CYB5B: variants seen among roughly 807,000 people sequenced by gnomAD.
CYB5B encodes cytochrome b5 type B, also known as cytochrome b5 type B (outer mitochondrial membrane).
A neutral mutation model predicts 21.3 loss-of-function variants in CYB5B; 14 were observed. That is an observed-to-expected ratio of 0.66 (90% CI 0.43 to 1.03). CYB5B has a LOEUF of 1.03. CYB5B is among the 50% of genes least tolerant of loss of function. The pLI, the probability that CYB5B is intolerant of heterozygous loss-of-function variation, is 0.00. For synonymous variants in CYB5B, 69 were observed against 68.4 expected, an observed-to-expected ratio of 1.01 and a Z score of -0.04; for missense variants, 166 against 185.1, an observed-to-expected ratio of 0.90 and a Z score of 0.60.
chr16:69,458,209 A>G (rs1027251625), intron 3 of CYB5B, among the ~76,000 whole-genome samples: 2 of 152,154 alleles, frequency 1.3e-5, no homozygotes, highest in Admixed American at 6.6e-5. Flanking sequence ...TTTTTAGTGT[A>G]TTTACAGAAC....
intron 1 of CYB5B, among the ~76,000 whole-genome samples, chr16:69,436,367 G>A (rs796231874): frequency 6.6e-6 from 1 of 152,206 alleles, no homozygotes. Context: ...CGTCTGGGGG[G>A]ATAAGGATGT....
chr16:69,451,088 C>G (rs987211958), intron 3 of CYB5B, among the ~76,000 whole-genome samples: 1 of 152,038 alleles, frequency 6.6e-6, no homozygotes, highest in Non-Finnish European at 1.5e-5. Context: ...GACTTAAAAA[C>G]TTAAAGATGT....
intron 1 of CYB5B, 100 bp downstream of exon 1, chr16:69,424,957 C>A: frequency 1.6e-6 from 2 of 1,237,436 alleles, no homozygotes; most frequent in South Asian, 4.3e-5. Flanking sequence ...TGGCTGGGGG[C>A]GATAAGGCGT....
At chr16:69,434,827 C>G (rs1354599832) in intron 1 of CYB5B, among the ~76,000 whole-genome samples, 1 of 142,866 alleles carries the variant, frequency 7.0e-6, no homozygotes. Context: ...CGCGCCACTG[C>G]ACTCCAACCT....
intron 1 of CYB5B, among the ~76,000 whole-genome samples, chr16:69,440,097 A>T (rs1284861591): frequency 5.5e-5 from 8 of 145,698 alleles, no homozygotes; most frequent in African/African-American, 2.2e-4. Flanking sequence ...CTGGTCTCCA[A>T]CCCCTGGCCT....
intron 1 of CYB5B, among the ~76,000 whole-genome samples, chr16:69,437,443 G>C (rs1312013683): frequency 1.3e-5 from 2 of 152,124 alleles, no homozygotes; most frequent in Non-Finnish European, 2.9e-5. Flanking sequence ...GAATTTTTGA[G>C]TGTCTAGTAG....
intron 3 of CYB5B, among the ~76,000 whole-genome samples, chr16:69,456,810 T>C (rs2014987989): frequency 1.3e-5 from 2 of 151,936 alleles, no homozygotes; most frequent in Admixed American, 1.3e-4. Context: ...TGAAGGGAGG[T>C]TATGTGTTAA....
chr16:69,465,918 G>C lies in CYB5B; in HGVS notation c.*3398G>C, dbSNP rs1359721058. On this transcript the variant is annotated 3_prime_UTR_variant, in exon 5 of 5. Transcript: ENST00000307892. ...AAGAGCCAGGTTTGGAATTTGTGGG[G>C]GTGATCTAGGAAGAAGGTTCCAAAG... 1.3e-5 allele frequency: 2 copies of C among 152,462 alleles called. No individual in the cohort carries two copies. Among genetic ancestry groups the C allele is most frequent in the Non-Finnish European group, 2.9e-5 (2 of 68,026 alleles). The allele number at this position is 152,462 out of a possible 1,614,324, so 9.4% of individuals were successfully genotyped here.
intron 3 of CYB5B, among the ~76,000 whole-genome samples, chr16:69,456,965 A>G (rs2014989318): frequency 6.6e-6 from 1 of 152,200 alleles, no homozygotes; most frequent in Non-Finnish European, 1.5e-5. Flanking sequence ...TATGGTTTGC[A>G]TCTACTTGGC....
Position 69,447,235 on chromosome 16 carries a change from C to G in CYB5B, c.260C>G (p.Ala87Gly). 6.2e-7 allele frequency: 1 copy of G among 1,614,014 alleles called. No homozygotes were observed. Among genetic ancestry groups the G allele is most frequent in the Non-Finnish European group, 8.5e-7 (1 of 1,179,998 alleles). Residue 87 changes from alanine to glycine, a missense_variant, in exon 2 of 5, where the codon GCC becomes GGC. Physicochemically the swap from Ala to Gly is moderately conservative, Grantham distance 60. Coordinates refer to ENST00000307892, the MANE Select transcript of CYB5B (RefSeq NM_030579.3). ...SFEDVGHSSDAREMLKQYYIG... is the reference protein window; with the variant it reads ...SFEDVGHSSDGREMLKQYYIG... ...GAAGATGTAGGACACTCTTCTGATG[C>G]CAGAGAAATGCTAAAGCAGTACTAC...
chr16:69,442,616 G>A (rs1216388514), intron 1 of CYB5B, among the ~76,000 whole-genome samples: 1 of 151,632 alleles, frequency 6.6e-6, no homozygotes, highest in African/African-American at 2.4e-5. Flanking sequence ...TTGGCTTCTG[G>A]ATGATCCTCC....
chr16:69,447,221 A>G lies in CYB5B; in HGVS notation c.246A>G (p.Gly82=). 1 of 1,614,042 alleles carries G rather than the reference A, an allele frequency of 6.2e-7. No homozygotes were observed. Among genetic ancestry groups the G allele is most frequent in the Non-Finnish European group, 8.5e-7 (1 of 1,179,952 alleles). The stretch of plus-strand genomic sequence containing the variant: ...CAAGTGAAAGCTTTGAAGATGTAGG[A>G]CACTCTTCTGATGCCAGAGAAATGC... The part of the protein sequence containing the change: ...VDASESFEDV[G]HSSDAREMLK... The change falls in exon 2 of 5, where the codon GGA becomes GGG. Residue 82 remains glycine, a synonymous_variant. Transcript: ENST00000307892.
intron 1 of CYB5B, among the ~76,000 whole-genome samples, chr16:69,446,671 C>T (rs1350454698): frequency 6.6e-6 from 1 of 152,172 alleles, no homozygotes; most frequent in African/African-American, 2.4e-5. Context: ...AGAAAAGTTG[C>T]AAGAATAGAA....
chr16:69,441,488 C>T (rs754273013), intron 1 of CYB5B, among the ~76,000 whole-genome samples: 11 of 152,136 alleles, frequency 7.2e-5, no homozygotes, highest in Non-Finnish European at 1.3e-4. Context: ...AAAGAGAAAG[C>T]GAGATGGTTT....
intron 1 of CYB5B, among the ~76,000 whole-genome samples, chr16:69,440,582 A>T (rs1210901951): frequency 6.6e-6 from 1 of 152,128 alleles, no homozygotes; most frequent in Non-Finnish European, 1.5e-5. Flanking sequence ...AACATGTTGC[A>T]TTCTCATGTG....
intron 4 of CYB5B, among the ~76,000 whole-genome samples, chr16:69,460,390 T>G (rs2015023396): frequency 6.6e-6 from 1 of 152,192 alleles, no homozygotes; most frequent in South Asian, 2.1e-4. Flanking sequence ...TTAAGCACTT[T>G]ACAGAAAAGG....
intron 1 of CYB5B, among the ~76,000 whole-genome samples, chr16:69,426,088 T>C (rs2014642706): frequency 6.6e-6 from 1 of 152,336 alleles, no homozygotes; most frequent in African/African-American, 2.4e-5. Flanking sequence ...GTATGGTGTA[T>C]GGCATTTTAT....
rs975433596 is a variant in CYB5B at position 69,464,728 on chromosome 16, G to A, written c.*2208G>A. On this transcript the variant is annotated 3_prime_UTR_variant, in exon 5 of 5. Transcript: ENST00000307892. ...AGGTAAATGCCAATGCAAAAGGTATGTTTTTCTACTTCACATTGGTTTTCT... is the reference window on the plus strand; with the variant it reads ...AGGTAAATGCCAATGCAAAAGGTATATTTTTCTACTTCACATTGGTTTTCT... The A allele has an allele frequency of 2.6e-5, 4 of 152,630 alleles. No individual in the cohort carries two copies. The highest frequency in any genetic ancestry group is 4.4e-5 in the Non-Finnish European group (3 of 68,026). 9.5% of individuals were successfully genotyped at this position (152,630 alleles called of 1,614,324 possible).
intron 1 of CYB5B, among the ~76,000 whole-genome samples, chr16:69,428,559 G>A (rs976559444): frequency 1.3e-5 from 2 of 152,116 alleles, no homozygotes; most frequent in Non-Finnish European, 2.9e-5. Context: ...GGGAGGCTGA[G>A]GCAGGAGAAT....
Sources: gnomAD v4.1 joint callset for allele counts (sites outside exome capture counted in the v4.1 genomes callset) on GRCh38, gnomAD v4.1.1 for gene constraint, MANE v1.5 for transcripts, NCBI Gene and HGNC (gene_info 2026-07-23, HGNC 2026-07-21) for gene names.